The following SYT17 variants were observed in gnomAD, a reference collection of about 807,000 sequenced individuals.
The protein encoded by SYT17 is synaptotagmin-17.
A neutral mutation model predicts 46.7 loss-of-function variants in SYT17; 22 were observed. The observed-to-expected ratio is 0.47, with a 90% confidence interval of 0.34 to 0.67. The LOEUF (loss-of-function observed/expected upper bound fraction) is 0.67. Ranked by LOEUF, SYT17 falls within the 30% of genes least tolerant of loss-of-function variation. The pLI is 0.01. For synonymous variants in SYT17, 251 were observed against 248.4 expected (o/e 1.01, Z -0.10); for missense variants, 519 against 612.8 (o/e 0.85, Z 1.62).
chr16:19,247,696 A>AT (rs1967682746), intron 7 of SYT17, among the ~76,000 whole-genome samples: 1 of 152,224 alleles, frequency 6.6e-6, no homozygotes, highest in South Asian at 2.1e-4. Flanking sequence ...CTGAACAACC[A>AT]TTTTTTATCA....
intron 7 of SYT17, among the ~76,000 whole-genome samples, chr16:19,229,790 C>G (rs919684090): frequency 6.6e-6 from 1 of 152,180 alleles, no homozygotes; most frequent in Non-Finnish European, 1.5e-5. Flanking sequence ...TTACAACCAC[C>G]AACAGGTGGA....
At chr16:19,227,169 T>C (rs187314437) in intron 7 of SYT17, among the ~76,000 whole-genome samples, 106 of 152,294 alleles carry the variant, frequency 7.0e-4, no homozygotes, top group African/African-American at 2.5e-3. Flanking sequence ...GTGCCACCCA[T>C]AGTAAGCACT....
chr16:19,184,744 G>A (rs115273490), intron 5 of SYT17, among the ~76,000 whole-genome samples: 30 of 151,920 alleles, frequency 2.0e-4, no homozygotes, highest in Non-Finnish European at 3.7e-4. Flanking sequence ...TTAAATCATC[G>A]ATGCTGAGTT....
intron 5 of SYT17, among the ~76,000 whole-genome samples, chr16:19,203,357 C>T (rs1019861242): frequency 3.4e-5 from 5 of 147,256 alleles, no homozygotes; most frequent in African/African-American, 5.0e-5. Flanking sequence ...AATAGCTGGG[C>T]GTGGTGGTGC....
intron 5 of SYT17, among the ~76,000 whole-genome samples, chr16:19,213,516 C>CTT (rs1423398812): frequency 1.3e-5 from 2 of 152,116 alleles, no homozygotes; most frequent in African/African-American, 4.8e-5. Context: ...GAAGTTTGGC[C>CTT]TTAAAAGTAG....
intron 5 of SYT17, among the ~76,000 whole-genome samples, chr16:19,210,557 T>C (rs74533388): frequency 0.028 from 4,275 of 151,646 alleles, 211 homozygotes; most frequent in African/African-American, 0.098. Flanking sequence ...GTATTGTCAA[T>C]GCAGCTATGC....
chr16:19,180,487 C>T lies in SYT17; in HGVS notation c.279C>T (p.Arg93=), dbSNP rs1964505241. ...TPRTNSPDGR[R]SSSDTSKSTY... ...GGACCAATTCCCCGGATGGAAGACGCTCGTCCTCAGACACATCCAAGTCTA... is the reference window on the plus strand; with the variant it reads ...GGACCAATTCCCCGGATGGAAGACGTTCGTCCTCAGACACATCCAAGTCTA... Residue 93 remains arginine, a synonymous_variant, in exon 4 of 8, where the codon CGC becomes CGT. Coordinates refer to ENST00000355377, the MANE Select transcript of SYT17 (RefSeq NM_016524.4). 1 of 1,614,080 alleles carries T rather than the reference C, an allele frequency of 6.2e-7. No individual in the cohort carries two copies. The highest frequency in any genetic ancestry group is 1.1e-5 in the South Asian group (1 of 91,094).
Position 19,232,053 on chromosome 16 carries a change from C to T in SYT17, c.1228+7215C>T, listed in dbSNP as rs951686670. Among the ~76,000 whole-genome samples, 31 of 152,092 alleles carry T rather than the reference C, an allele frequency of 2.0e-4. 1 individual carries two copies. Among genetic ancestry groups the T allele is most frequent in the Non-Finnish European group, 3.5e-4 (24 of 68,022 alleles). On this transcript the variant is annotated intron_variant, in intron 7 of 7. Transcript: ENST00000355377. The stretch of plus-strand genomic sequence containing the variant: ...AGGATTGCAGGGGATGCAGAGAGGT[C>T]GGCCGGGCTCCCGCCCCGGAAGAGA...
At chr16:19,254,151 G>A (rs1332777233) in intron 7 of SYT17, among the ~76,000 whole-genome samples, 1 of 152,134 alleles carries the variant, frequency 6.6e-6, no homozygotes, top group African/African-American at 2.4e-5. Context: ...AGGTCTTCTT[G>A]CTCTCCTCTT....
At chr16:19,191,200 A>C (rs928202195) in intron 5 of SYT17, among the ~76,000 whole-genome samples, 33 of 152,062 alleles carry the variant, frequency 2.2e-4, no homozygotes, top group African/African-American at 6.5e-4. Context: ...CACCATAAAC[A>C]AACACTGAAC....
intron 4 of SYT17, among the ~76,000 whole-genome samples, chr16:19,182,847 C>T (rs1027310062): frequency 3.3e-5 from 5 of 152,240 alleles, no homozygotes; most frequent in African/African-American, 4.8e-5. Context: ...TTGGTCTGTG[C>T]CTACGGGCAC....
chr16:19,175,740 G>A (rs1044964152), intron 3 of SYT17, among the ~76,000 whole-genome samples: 1 of 151,654 alleles, frequency 6.6e-6, no homozygotes, highest in Non-Finnish European at 1.5e-5. Flanking sequence ...TCACAAGAAT[G>A]CTATCTCCAT....
chr16:19,224,505 A>G (rs1305001638), intron 6 of SYT17, among the ~76,000 whole-genome samples, 178 bp from the exon 7 acceptor site: 1 of 152,166 alleles, frequency 6.6e-6, no homozygotes. Flanking sequence ...AGATGGATGG[A>G]TGGATAAACA....
chr16:19,190,144 A>G (rs1348001595), intron 5 of SYT17, among the ~76,000 whole-genome samples: 1 of 152,216 alleles, frequency 6.6e-6, no homozygotes, highest in Non-Finnish European at 1.5e-5. Flanking sequence ...AAGCCATTGA[A>G]ATCTGTGTAG....
intron 7 of SYT17, among the ~76,000 whole-genome samples, chr16:19,253,834 T>C (rs1179856237): frequency 2.0e-5 from 3 of 152,074 alleles, no homozygotes; most frequent in Non-Finnish European, 4.4e-5. Flanking sequence ...TTCAAGAGAT[T>C]CTCCTGTCTC....
At position 19,180,551 on chromosome 16, in the gene SYT17, T is replaced by C; in HGVS notation, c.331+12T>C. On this transcript the variant is annotated intron_variant, in intron 4 of 7. Transcript: ENST00000355377. ...GCGGAGGATTTCGAGTAAGTATCTC[T>C]GCTTTACCTTTCTGGGGGCCCTGGC... 6.2e-7 allele frequency: 1 copy of C among 1,613,568 alleles called. No individual in the cohort carries two copies. Among genetic ancestry groups the C allele is most frequent in the Non-Finnish European group, 8.5e-7 (1 of 1,179,634 alleles).
chr16:19,171,744 C>G (rs1403571015), intron 1 of SYT17: 1 of 152,078 alleles, frequency 6.6e-6, no homozygotes, highest in Non-Finnish European at 1.5e-5. Context: ...AAACCAAGAT[C>G]ATGTGACATC....
At position 19,224,708 on chromosome 16, in the gene SYT17, G is replaced by T. The variant is rs1403504541; in HGVS notation, c.1098G>T (p.Val366=). ...ACCCCTTTGTGAAAATCCAGCTGGT[G>T]CATGGACTCAAACTTGTGAAAACCA... ...GSDPFVKIQL[V]HGLKLVKTKK... Residue 366 remains valine, a synonymous_variant, in exon 7 of 8, where the codon GTG becomes GTT. Transcript: ENST00000355377. The T allele has an allele frequency of 6.2e-7, 1 of 1,614,068 alleles. No homozygotes were observed. Among genetic ancestry groups the T allele is most frequent in the Non-Finnish European group, 8.5e-7 (1 of 1,179,952 alleles).
intron 7 of SYT17, chr16:19,249,900 CT>C: frequency 6.5e-7 from 1 of 1,532,420 alleles, no homozygotes; most frequent in African/African-American, 1.4e-5. Flanking sequence ...TGCTCACTCC[CT>C]TGTCCCCAGC....
Sources: gnomAD v4.1 joint callset for allele counts (sites outside exome capture counted in the v4.1 genomes callset) on GRCh38, gnomAD v4.1.1 for gene constraint, MANE v1.5 for transcripts, NCBI Gene and HGNC (gene_info 2026-07-23, HGNC 2026-07-21) for gene names.